PROCR: variants seen among roughly 807,000 people sequenced by gnomAD.
PROCR encodes the protein endothelial protein C receptor.
A neutral mutation model predicts 24.2 loss-of-function variants in PROCR; 22 were observed. The ratio of observed to expected loss-of-function variants is 0.91; its 90% CI spans 0.65 to 1.30. PROCR has a LOEUF of 1.30. Ranked by LOEUF, PROCR falls within the 50% of genes most tolerant of loss-of-function variation. The pLI, the probability that PROCR is intolerant of heterozygous loss-of-function variation, is 0.00. For synonymous variants in PROCR, 137 were observed against 139.2 expected, an observed-to-expected ratio of 0.98 and a Z score of 0.11; for missense variants, 288 against 307.7, an observed-to-expected ratio of 0.94 and a Z score of 0.48.
chr20:35,192,025 AC>A (rs2086177650), intron 1 of PROCR, among the ~76,000 whole-genome samples: 1 of 152,182 alleles, frequency 6.6e-6, no homozygotes, highest in Non-Finnish European at 1.5e-5. Flanking sequence ...TGATACCACT[AC>A]TTACCCATTA....
At chr20:35,214,274 T>C (rs931185780) in intron 1 of PROCR, among the ~76,000 whole-genome samples, 3 of 152,148 alleles carry the variant, frequency 2.0e-5, no homozygotes, top group Admixed American at 2.0e-4. Flanking sequence ...ATTACACAAA[T>C]AGTAGCCTAC....
intron 1 of PROCR, among the ~76,000 whole-genome samples, chr20:35,208,542 A>T (rs1006320053): frequency 9.2e-5 from 14 of 152,102 alleles, no homozygotes; most frequent in African/African-American, 3.4e-4. Context: ...TGAGTACTGG[A>T]CTCTCTCAGT....
At chr20:35,210,579 T>A (rs2060358870) in intron 1 of PROCR, among the ~76,000 whole-genome samples, 1 of 152,160 alleles carries the variant, frequency 6.6e-6, no homozygotes, top group Non-Finnish European at 1.5e-5. Context: ...GACATATTTT[T>A]AAAAGATAAT....
intron 1 of PROCR, among the ~76,000 whole-genome samples, chr20:35,197,821 C>CAA (rs66587294): frequency 2.6e-5 from 3 of 115,832 alleles, no homozygotes; most frequent in Admixed American, 8.5e-5. Context: ...GACTCCGTCT[C>CAA]AAAAAAAAAA....
At chr20:35,184,517 C>T (rs1278607979) in intron 1 of PROCR, among the ~76,000 whole-genome samples, 4 of 151,758 alleles carry the variant, frequency 2.6e-5, no homozygotes, top group Non-Finnish European at 4.4e-5. Flanking sequence ...CTGGCTAACA[C>T]GGTGAAACCC....
At chr20:35,188,171 C>T (rs1298266390) in intron 1 of PROCR, among the ~76,000 whole-genome samples, 1 of 152,188 alleles carries the variant, frequency 6.6e-6, no homozygotes, top group East Asian at 1.9e-4. Flanking sequence ...CTTTTTCCAA[C>T]TCAGCCAACT....
chr20:35,172,323 C>A, intron 1 of PROCR, 99 bp downstream of exon 1: 2 of 1,417,520 alleles, frequency 1.4e-6, no homozygotes, highest in Non-Finnish European at 2.0e-6. Flanking sequence ...CTCACAGCAT[C>A]TGTGTCTGCA....
At chr20:35,188,072 G>T (rs534201744) in intron 1 of PROCR, among the ~76,000 whole-genome samples, 2 of 152,306 alleles carry the variant, frequency 1.3e-5, no homozygotes, top group South Asian at 4.1e-4. Flanking sequence ...TGGCTTACTG[G>T]ATTCCCCATC....
chr20:35,179,807 CTTAT>C (rs1253729623), downstream of PROCR, among the ~76,000 whole-genome samples: 1 of 152,196 alleles, frequency 6.6e-6, no homozygotes, highest in Non-Finnish European at 1.5e-5. Context: ...TTTACTCCCT[CTTAT>C]TTATCCCCAT....
intron 1 of PROCR, among the ~76,000 whole-genome samples, chr20:35,207,007 T>A (rs2060345190): frequency 6.6e-6 from 1 of 152,162 alleles, no homozygotes; most frequent in Non-Finnish European, 1.5e-5. Flanking sequence ...TACTCAGCAA[T>A]GAAAAGGAAT....
downstream of PROCR, among the ~76,000 whole-genome samples, chr20:35,182,216 C>A (rs2086084536): frequency 6.6e-6 from 1 of 152,148 alleles, no homozygotes; most frequent in African/African-American, 2.4e-5. Flanking sequence ...GCTGGGCAAC[C>A]AAAACAGGTA....
chr20:35,199,989 C>G (rs1337846082), intron 1 of PROCR, among the ~76,000 whole-genome samples: 1 of 152,174 alleles, frequency 6.6e-6, no homozygotes, highest in Non-Finnish European at 1.5e-5. Flanking sequence ...GAGGAAGGAA[C>G]TGCTGATGTA....
intron 1 of PROCR, among the ~76,000 whole-genome samples, chr20:35,187,735 C>T (rs2086140273): frequency 1.3e-5 from 2 of 152,164 alleles, no homozygotes; most frequent in South Asian, 4.1e-4. Context: ...TATGTGAATA[C>T]ATGTTCATAG....
At chr20:35,204,686 T>C (rs1270288460) in intron 1 of PROCR, among the ~76,000 whole-genome samples, 3 of 152,044 alleles carry the variant, frequency 2.0e-5, no homozygotes, top group Non-Finnish European at 2.9e-5. Flanking sequence ...CCAAATGGTT[T>C]CACTGGGAAA....
At chr20:35,182,579 T>C (rs1440915530) in intron 1 of PROCR, among the ~76,000 whole-genome samples, 1 of 152,240 alleles carries the variant, frequency 6.6e-6, no homozygotes, top group Non-Finnish European at 1.5e-5. Context: ...GATATGATCC[T>C]TCTCAAGGAG....
At chr20:35,200,599 T>G (rs949279680) in intron 1 of PROCR, among the ~76,000 whole-genome samples, 4 of 152,232 alleles carry the variant, frequency 2.6e-5, no homozygotes, top group Non-Finnish European at 4.4e-5. Flanking sequence ...AGACATAATG[T>G]TATTGCACAT....
At chr20:35,197,491 A>G (rs1214662838) in intron 1 of PROCR, among the ~76,000 whole-genome samples, 1 of 152,140 alleles carries the variant, frequency 6.6e-6, no homozygotes, top group Non-Finnish European at 1.5e-5. Context: ...AATTAGGCCA[A>G]TGAATAACCC....
chr20:35,191,466 T>A lies in PROCR; in HGVS notation c.94+15020T>A, dbSNP rs542499540. ...GGAGGGACAGACCCTAAACAAATAA[T>A]TTTTTTTTAATGTCAGAGATAATTA... is the stretch of plus-strand genomic sequence containing the variant. On this transcript the variant is annotated intron_variant, in intron 1 of 1. Transcript: ENST00000634509. 3.5e-4 allele frequency among the ~76,000 whole-genome samples: 46 copies of A among 132,220 alleles called. 1 individual carries two copies. Among genetic ancestry groups the A allele is most frequent in the South Asian group, 8.4e-4 (4 of 4,786 alleles). 86.7% of individuals were successfully genotyped at this position (132,220 alleles called of 152,430 possible).
Position 35,176,753 on chromosome 20 carries a change from T to C in PROCR, c.657T>C (p.Ser219=). 6.2e-7 allele frequency: 1 copy of C among 1,613,892 alleles called. No individual in the cohort carries two copies. Among genetic ancestry groups the C allele is most frequent in the Non-Finnish European group, 8.5e-7 (1 of 1,179,990 alleles). Residue 219 remains serine, a synonymous_variant, in exon 4 of 4, where the codon AGT becomes AGC. Transcript: ENST00000216968. ...TGGTCCTGGGCGTCCTGGTGGGCAG[T>C]TTCATCATTGCTGGTGTGGCTGTAG... ...TSLVLGVLVG[S]FIIAGVAVGI... is the part of the protein sequence containing the mutation.
Sources: gnomAD v4.1 joint callset for allele counts (sites outside exome capture counted in the v4.1 genomes callset) on GRCh38, gnomAD v4.1.1 for gene constraint, MANE v1.5 for transcripts, NCBI Gene and HGNC (gene_info 2026-07-23, HGNC 2026-07-21) for gene names.